CELF2: variants seen among roughly 807,000 people sequenced by gnomAD.
CELF2 encodes the protein CUGBP Elav-like family member 2, also known as CUG triplet repeat RNA-binding protein 2.
In CELF2, 8 loss-of-function variants were observed where a neutral mutation model predicts 62.6. The observed-to-expected ratio is 0.13, with a 90% CI of 0.07 to 0.23. CELF2 has a LOEUF of 0.23. Ranked by LOEUF, CELF2 falls within the 10% of genes least tolerant of loss-of-function variation. The pLI, the probability that CELF2 is intolerant of heterozygous loss-of-function variation, is 1.00. For synonymous variants in CELF2, 258 were observed against 250.0 expected (o/e 1.03, Z -0.30); for missense variants, 333 against 671.0 (o/e 0.50, Z 5.56).
the CELF2 span, among the ~76,000 whole-genome samples, chr10:10,664,502 T>C: frequency 1.3e-5 from 2 of 152,216 alleles, no homozygotes; most frequent in East Asian, 3.8e-4. Flanking sequence ...GTGAATTTCC[T>C]CTATATTTGC....
intron 5 of CELF2, among the ~76,000 whole-genome samples, chr10:11,262,724 C>T (rs1349777306): frequency 6.6e-6 from 1 of 152,156 alleles, no homozygotes; most frequent in Admixed American, 6.5e-5. Context: ...AACGTTGCTA[C>T]TGCTTAAAAG....
At position 11,083,680 on chromosome 10, in the gene CELF2, G is replaced by A. The variant is rs534333752; in HGVS notation, c.74+65517G>A. 9.9e-5 allele frequency among the ~76,000 whole-genome samples: 15 copies of A among 152,246 alleles called. No individual in the cohort carries two copies. The South Asian group carries it at 1.5e-3, about 15-fold the overall frequency. On this transcript the variant is annotated intron_variant, in intron 1 of 12. Coordinates refer to ENST00000633077, the MANE Select transcript of CELF2 (RefSeq NM_001326342.2). ...TAGTTACTCTCTGCCCCATCTCACC[G>A]AGTTGAGTGGTTGAGAGCAAGGACT...
intron 1 of CELF2, among the ~76,000 whole-genome samples, chr10:11,131,916 A>G (rs1430309083): frequency 6.6e-6 from 1 of 152,246 alleles, no homozygotes; most frequent in East Asian, 1.9e-4. Context: ...CTGTTAATTC[A>G]TAGAGAAAAC....
At chr10:11,251,785 A>G (rs1041933338) in intron 4 of CELF2, among the ~76,000 whole-genome samples, 4 of 152,240 alleles carry the variant, frequency 2.6e-5, no homozygotes, top group Admixed American at 6.5e-5. Flanking sequence ...TAAAGAGCTC[A>G]GCATAATACC....
intron 1 of CELF2, among the ~76,000 whole-genome samples, chr10:11,109,170 C>T (rs540391799): frequency 3.9e-5 from 6 of 152,290 alleles, no homozygotes; most frequent in Admixed American, 3.3e-4. Flanking sequence ...TTCTGTTGCT[C>T]CTGTGGCAGT....
At chr10:10,591,528 T>A in the CELF2 span, among the ~76,000 whole-genome samples, 1 of 152,156 alleles carries the variant, frequency 6.6e-6, no homozygotes, top group African/African-American at 2.4e-5. Flanking sequence ...TAACGTTTAT[T>A]CTTTTCTCCT....
intron 1 of CELF2, among the ~76,000 whole-genome samples, chr10:11,136,131 G>A (rs1482218744): frequency 6.6e-6 from 1 of 152,164 alleles, no homozygotes; most frequent in African/African-American, 2.4e-5. Context: ...TGGATTGGAA[G>A]GTTCAGAAAG....
chr10:11,334,054 T>C lies in CELF2; in HGVS notation c.*5001T>C, dbSNP rs941351132. On this transcript the variant is annotated 3_prime_UTR_variant, in exon 13 of 13. Transcript: ENST00000633077. ...TTGATTTCTTTTTTCCCTTTGCTTA[T>C]ATCTAGCATTAGAATTTTGTCTTAA... The C allele has an allele frequency of 1.3e-5, 2 of 152,690 alleles. No homozygotes were observed. The highest frequency in any genetic ancestry group is 1.9e-4 in the East Asian group (1 of 5,206). 9.5% of individuals were successfully genotyped at this position (152,690 alleles called of 1,614,324 possible). A position where few individuals can be genotyped will look rare whatever the true frequency, so the allele number is the denominator to read the frequency against.
chr10:10,608,945 G>A, the CELF2 span, among the ~76,000 whole-genome samples: 1 of 152,158 alleles, frequency 6.6e-6, no homozygotes, highest in Non-Finnish European at 1.5e-5. Context: ...CTCCAGAAAT[G>A]GGGGCAGGGC....
At chr10:10,868,169 A>G (rs1389224577) in intron 1 of CELF2, among the ~76,000 whole-genome samples, 2 of 152,096 alleles carry the variant, frequency 1.3e-5, no homozygotes, top group Non-Finnish European at 2.9e-5. Flanking sequence ...ACAGTTGATT[A>G]TCTCTCATGG....
At chr10:11,087,515 C>T (rs919176530) in intron 1 of CELF2, among the ~76,000 whole-genome samples, 1 of 152,188 alleles carries the variant, frequency 6.6e-6, no homozygotes, top group East Asian at 1.9e-4. Context: ...CGTCGACTGA[C>T]GTAGAACATG....
At chr10:10,527,858 C>A in the CELF2 span, among the ~76,000 whole-genome samples, 1 of 152,252 alleles carries the variant, frequency 6.6e-6, no homozygotes, top group Non-Finnish European at 1.5e-5. Flanking sequence ...GAGACTGACA[C>A]TGTGTATAAT....
intron 1 of CELF2, among the ~76,000 whole-genome samples, chr10:11,125,105 A>T (rs998517430): frequency 6.6e-6 from 1 of 152,180 alleles, no homozygotes; most frequent in African/African-American, 2.4e-5. Context: ...TTCAGGTTCA[A>T]CAGGCTCTCT....
Position 11,333,325 on chromosome 10 carries a change from A to C in CELF2, c.*4272A>C, listed in dbSNP as rs1235707253. 1 of 152,678 alleles carries C rather than the reference A, an allele frequency of 6.5e-6. No homozygotes were observed. The highest frequency in any genetic ancestry group is 2.4e-5 in the African/African-American group (1 of 41,464). 9.5% of individuals were successfully genotyped at this position (152,678 alleles called of 1,614,324 possible). The stretch of plus-strand genomic sequence containing the variant: ...CAAAAGGAAAAAGCTGCAAGGGTGC[A>C]AAGGGCCTGTGCCAGAAGAAAACAC... On this transcript the variant is annotated 3_prime_UTR_variant, in exon 13 of 13. Transcript: ENST00000633077.
the CELF2 span, among the ~76,000 whole-genome samples, chr10:10,469,563 A>G: frequency 6.6e-6 from 1 of 151,888 alleles, no homozygotes; most frequent in Non-Finnish European, 1.5e-5. Context: ...TACTTTTATT[A>G]AGAATTTGGT....
intron 2 of CELF2, among the ~76,000 whole-genome samples, chr10:10,948,570 T>G (rs2047955881): frequency 6.6e-6 from 1 of 152,182 alleles, no homozygotes; most frequent in South Asian, 2.1e-4. Flanking sequence ...CTAAATTGGT[T>G]GTTTTCTGAA....
the CELF2 span, among the ~76,000 whole-genome samples, chr10:10,596,798 A>G: frequency 6.6e-6 from 1 of 152,214 alleles, no homozygotes; most frequent in Non-Finnish European, 1.5e-5. Context: ...TTTCAAGTTG[A>G]AACACAGCTC....
chr10:10,925,042 G>T (rs1394103750), intron 2 of CELF2: 1 of 152,206 alleles, frequency 6.6e-6, no homozygotes, highest in Non-Finnish European at 1.5e-5. Flanking sequence ...GGATGTGACA[G>T]ATCAGGTAGC....
intron 2 of CELF2, among the ~76,000 whole-genome samples, chr10:10,929,117 G>A (rs1353864436): frequency 6.6e-6 from 1 of 151,962 alleles, no homozygotes; most frequent in Non-Finnish European, 1.5e-5. Flanking sequence ...CGTAGACTTG[G>A]GCACCTGGAA....
Sources: allele counts gnomAD v4.1 joint callset (sites outside exome capture counted in the v4.1 genomes callset), GRCh38; gene constraint gnomAD v4.1.1; transcripts MANE v1.5; gene names NCBI Gene and HGNC (gene_info 2026-07-23, HGNC 2026-07-21).